KPNA7: variants seen among roughly 807,000 people sequenced by gnomAD.
KPNA7 encodes the protein karyopherin subunit alpha 7.
In KPNA7, 54 loss-of-function variants were observed where a neutral mutation model predicts 53.7. The observed-to-expected ratio is 1.01, with a 90% CI of 0.81 to 1.26. The LOEUF (loss-of-function observed/expected upper bound fraction) is 1.26. Among genes scored for constraint, KPNA7 ranks in the 50% most tolerant of loss-of-function variants. KPNA7 has a pLI of 0.00. For missense variants in KPNA7, 640 were observed against 644.5 expected (o/e 0.99, Z 0.07); for synonymous variants, 276 against 259.3 (o/e 1.06, Z -0.62).
the KPNA7 span, among the ~76,000 whole-genome samples, chr7:99,166,320 C>A: frequency 6.6e-6 from 1 of 151,946 alleles, no homozygotes; most frequent in Non-Finnish European, 1.5e-5. Flanking sequence ...TAGGTCCTTT[C>A]CTTCCTCGTT....
intron 3 of KPNA7, among the ~76,000 whole-genome samples, chr7:99,199,522 G>T (rs925641404): frequency 3.3e-5 from 5 of 152,038 alleles, no homozygotes; most frequent in Non-Finnish European, 5.9e-5. Flanking sequence ...TAACTGTGCT[G>T]GTACAACTAT....
chr7:99,199,086 AAAG>A (rs1248503336), intron 3 of KPNA7, among the ~76,000 whole-genome samples: 7 of 148,718 alleles, frequency 4.7e-5, no homozygotes, highest in African/African-American at 1.5e-4. Flanking sequence ...AAAAAAAAAA[AAAG>A]GACTGAAATG....
the KPNA7 span, among the ~76,000 whole-genome samples, chr7:99,148,929 A>G: frequency 8.1e-6 from 1 of 123,810 alleles, no homozygotes; most frequent in Non-Finnish European, 1.6e-5. Flanking sequence ...GGAGTCTTGC[A>G]GTGTCGCCCA....
At chr7:99,210,355 A>G (rs1264072506), upstream of KPNA7, among the ~76,000 whole-genome samples, 1 of 152,076 alleles carries the variant, frequency 6.6e-6, no homozygotes, top group East Asian at 1.9e-4. Flanking sequence ...CCACTGCCTG[A>G]TATTTTCTTG....
Position 99,182,704 on chromosome 7 carries a change from C to A in KPNA7, c.1135-639G>T, listed in dbSNP as rs1004583667. On this transcript the variant is annotated intron_variant, in intron 8 of 10. Transcript: ENST00000327442. ...AGAAGGCAGGAGACTCAGGTGGGGT[C>A]TTAGAGGGAAGCTCTAAGATCAGAT... 3.3e-5 allele frequency among the ~76,000 whole-genome samples: 5 copies of A among 152,240 alleles called. No homozygotes were observed. In the South Asian group the frequency reaches 8.3e-4, roughly 25 times the overall value.
At chr7:99,219,403 T>C (rs1420492961) in intron 1 of KPNA7, among the ~76,000 whole-genome samples, 1 of 152,198 alleles carries the variant, frequency 6.6e-6, no homozygotes, top group African/African-American at 2.4e-5. Flanking sequence ...TTGAATTAAT[T>C]AGCGTTTACT....
the KPNA7 span, among the ~76,000 whole-genome samples, chr7:99,149,483 G>A: frequency 6.6e-6 from 1 of 152,212 alleles, no homozygotes. Context: ...CTTAAATCAT[G>A]AATGTAGATT....
chr7:99,166,613 CCTTT>C, the KPNA7 span, among the ~76,000 whole-genome samples: 1 of 150,242 alleles, frequency 6.7e-6, no homozygotes, highest in Non-Finnish European at 1.5e-5. Context: ...CCGTGCCCGG[CCTTT>C]CTATTTTATT....
Position 99,203,235 on chromosome 7 carries a change from C to A in KPNA7, c.72G>T (p.Arg24Ser). ...GACTGACCGCCATCCTCTGCTGTCG[C>A]CTCAGCTAGTGAGGAAAAGAAATTG... ...FKYRGKDVSL[R>S]RQQRMAVSLE... Residue 24 changes from arginine to serine, a missense_variant, in exon 3 of 11, where the codon AGG becomes AGT. Arg to Ser is a moderately radical substitution (Grantham distance 110). Transcript: ENST00000327442. The A allele has an allele frequency of 1.9e-6, 3 of 1,550,772 alleles. No homozygotes were observed. The highest frequency in any genetic ancestry group is 2.6e-6 in the Non-Finnish European group (3 of 1,146,180).
chr7:99,174,649 G>A lies in KPNA7; in HGVS notation c.1465-855C>T, dbSNP rs112225978. On this transcript the variant is annotated intron_variant, in intron 10 of 10. Coordinates refer to ENST00000327442, the MANE Select transcript of KPNA7 (RefSeq NM_001145715.3). ...TCGCATTGTATTTGTCCTTTTGTGA[G>A]TAGCTTGTTTTTAAATGCAGTTTTG... 7.0e-3 allele frequency among the ~76,000 whole-genome samples: 1,070 copies of A among 152,236 alleles called. 19 individuals carry two copies. The highest frequency in any genetic ancestry group is 0.024 in the African/African-American group (1,004 of 41,548).
At chr7:99,159,730 C>G in the KPNA7 span, among the ~76,000 whole-genome samples, 1 of 152,076 alleles carries the variant, frequency 6.6e-6, no homozygotes. Context: ...GCCAATCATT[C>G]TTTATCATCA....
chr7:99,199,754 A>G (rs1337702606), intron 3 of KPNA7, among the ~76,000 whole-genome samples: 1 of 152,214 alleles, frequency 6.6e-6, no homozygotes, highest in Non-Finnish European at 1.5e-5. Flanking sequence ...CAAAATTAAA[A>G]AATTTTATGC....
intron 9 of KPNA7, 22 bp downstream of exon 9, chr7:99,181,861 C>G (rs1799284995): frequency 1.3e-6 from 2 of 1,490,998 alleles, no homozygotes; most frequent in Non-Finnish European, 1.8e-6. Flanking sequence ...ATTTACAAAC[C>G]AACCTGTTCA....
chr7:99,173,550 C>A, downstream of KPNA7: 2 of 558,990 alleles, frequency 3.6e-6, no homozygotes, highest in East Asian at 3.1e-5. Context: ...AGTCGTTTAT[C>A]TGAAGTTCAG....
intron 8 of KPNA7, among the ~76,000 whole-genome samples, chr7:99,183,423 T>C (rs576534135): frequency 6.6e-6 from 1 of 152,312 alleles, no homozygotes; most frequent in East Asian, 1.9e-4. Context: ...AAATAACTTA[T>C]GGCTCCAAGC....
chr7:99,170,507 TTTTTTC>T (rs987303557), downstream of KPNA7, among the ~76,000 whole-genome samples: 3 of 152,126 alleles, frequency 2.0e-5, no homozygotes, highest in African/African-American at 7.2e-5. Context: ...ATAATTCTAT[TTTTTTC>T]TTTTTCTTTT....
intron 1 of KPNA7, among the ~76,000 whole-genome samples, chr7:99,218,682 T>C (rs1053820094): frequency 6.6e-6 from 1 of 152,182 alleles, no homozygotes; most frequent in African/African-American, 2.4e-5. Context: ...CACTGGCTGA[T>C]TTCAACAGAG....
At chr7:99,184,642 C>T (rs922506422) in intron 8 of KPNA7, among the ~76,000 whole-genome samples, 19 of 152,280 alleles carry the variant, frequency 1.2e-4, no homozygotes, top group African/African-American at 4.6e-4. Flanking sequence ...CTTTCACCAC[C>T]GCTTAGACAT....
chr7:99,184,961 C>G lies in KPNA7; in HGVS notation c.1102G>C (p.Val368Leu), dbSNP rs770179673. The change falls in exon 8 of 11, where the codon GTC becomes CTC. Residue 368 changes from valine to leucine, a missense_variant. Physicochemically the swap from Val to Leu is conservative, Grantham distance 32. Coordinates refer to ENST00000327442, the MANE Select transcript of KPNA7 (RefSeq NM_001145715.3). ...HHIQQLLAYDVLPPLVALLKN... is the reference protein window; with the variant it reads ...HHIQQLLAYDLLPPLVALLKN... Reference sequence around the variant, plus strand: ...AGCAGAGCCACCAAGGGAGGCAAGACGTCGTAGGCAAGCAGCTGCTGGATG... The same window carrying G: ...AGCAGAGCCACCAAGGGAGGCAAGAGGTCGTAGGCAAGCAGCTGCTGGATG... The G allele has an allele frequency of 6.4e-7, 1 of 1,552,080 alleles. No homozygotes were observed. The highest frequency in any genetic ancestry group is 8.7e-7 in the Non-Finnish European group (1 of 1,147,076).
Sources: allele counts gnomAD v4.1 joint callset (sites outside exome capture counted in the v4.1 genomes callset), GRCh38; gene constraint gnomAD v4.1.1; transcripts MANE v1.5; gene names NCBI Gene and HGNC (gene_info 2026-07-23, HGNC 2026-07-21).